The following MLIP variants were observed in gnomAD, a reference collection of about 807,000 sequenced individuals.
MLIP encodes muscular LMNA interacting protein, also known as muscular LMNA-interacting protein.
In MLIP, 79 loss-of-function variants were observed where a neutral mutation model predicts 84.8. The observed-to-expected ratio is 0.93, with a 90% CI of 0.78 to 1.12. The LOEUF (loss-of-function observed/expected upper bound fraction) is 1.12, where lower values mean the gene tolerates loss of function less well. Among genes scored for constraint, MLIP ranks in the 50% most tolerant of loss-of-function variants. The pLI is 0.00. For missense variants in MLIP, 1,257 were observed against 1,160.6 expected (o/e 1.08, Z -1.21); for synonymous variants, 504 against 463.0 (o/e 1.09, Z -1.14).
intron 1 of MLIP, among the ~76,000 whole-genome samples, chr6:54,093,289 A>G (rs529885982): frequency 6.6e-6 from 1 of 151,462 alleles, no homozygotes; most frequent in African/African-American, 2.4e-5. Context: ...TATCTGAAAC[A>G]GAGTCTCTGA....
intron 2 of MLIP, among the ~76,000 whole-genome samples, chr6:54,124,048 T>C (rs1433884804): frequency 4.6e-5 from 7 of 152,198 alleles, no homozygotes; most frequent in African/African-American, 1.7e-4. Flanking sequence ...GATTTTGTAT[T>C]ATTTTAGAAA....
intron 1 of MLIP, among the ~76,000 whole-genome samples, chr6:54,100,642 C>CTA (rs1768575145): frequency 6.6e-6 from 1 of 152,062 alleles, no homozygotes; most frequent in Non-Finnish European, 1.5e-5. Flanking sequence ...CCTTTATCTA[C>CTA]TATTCCTTTA....
In MLIP at chr6:54,124,799, T is replaced by A; in HGVS notation, c.579T>A (p.Thr193=). The change falls in exon 3 of 14, where the codon ACT becomes ACA. Residue 193 remains threonine, a synonymous_variant. Coordinates refer to ENST00000502396, the MANE Select transcript of MLIP (RefSeq NM_001281747.2). ...TAGTGCGTCCCAAAACACAGGGGAC[T>A]GATCTCAAGACCTCATCACATCCTG... ...SDVVRPKTQG[T]DLKTSSHPEM... 6.2e-7 allele frequency: 1 copy of A among 1,613,934 alleles called. No homozygotes were observed. Among genetic ancestry groups the A allele is most frequent in the Non-Finnish European group, 8.5e-7 (1 of 1,179,940 alleles).
At chr6:54,057,845 T>C (rs1175430568) in intron 1 of MLIP, 1 of 152,150 alleles carries the variant, frequency 6.6e-6, no homozygotes, top group Non-Finnish European at 1.5e-5. Context: ...ACTGAAGAAA[T>C]GCAAGAGACC....
intron 13 of MLIP, among the ~76,000 whole-genome samples, chr6:54,262,880 G>T (rs1218379996): frequency 6.6e-6 from 1 of 152,036 alleles, no homozygotes; most frequent in Non-Finnish European, 1.5e-5. Context: ...TCTTACACTT[G>T]GTTGGCAAGA....
At chr6:54,219,521 G>A (rs1007969831) in intron 11 of MLIP, among the ~76,000 whole-genome samples, 2 of 151,646 alleles carry the variant, frequency 1.3e-5, no homozygotes, top group Non-Finnish European at 2.9e-5. Flanking sequence ...CCAAAACATC[G>A]TTATGCAGTG....
In MLIP at chr6:54,175,329, T is replaced by G. The variant is rs529891042; in HGVS notation, c.2544+5757T>G. Reference sequence around the variant, plus strand: ...GGAATTGCTTTGAATCTGTAGTACTTTGGGTAGTATGGACATTATAACAAT... The same window carrying G: ...GGAATTGCTTTGAATCTGTAGTACTGTGGGTAGTATGGACATTATAACAAT... On this transcript the variant is annotated intron_variant, in intron 9 of 13. Transcript: ENST00000502396. Among the ~76,000 whole-genome samples, 8 of 152,144 alleles carry G rather than the reference T, an allele frequency of 5.3e-5. No homozygotes were observed. In the South Asian group the frequency reaches 1.7e-3, roughly 32 times the overall value.
chr6:54,197,562 G>C (rs1778387401), intron 10 of MLIP, among the ~76,000 whole-genome samples: 4 of 151,994 alleles, frequency 2.6e-5, no homozygotes, highest in Non-Finnish European at 5.9e-5. Flanking sequence ...TTTTCGATTT[G>C]GAGAATCTTC....
chr6:54,030,510 A>G (rs1764067580), intron 1 of MLIP: 1 of 152,182 alleles, frequency 6.6e-6, no homozygotes, highest in Non-Finnish European at 1.5e-5. Flanking sequence ...AGAATGTTCA[A>G]AAGAAGAACA....
rs1417678127 is a variant in MLIP at position 54,136,953 on chromosome 6, C to T, written c.884C>T (p.Ser295Leu). ...TPFSASKGTSSTLLFPHSTQL... is the reference protein window; with the variant it reads ...TPFSASKGTSLTLLFPHSTQL... Reference sequence around the variant, plus strand: ...TTTTCTGCATCGAAGGGCACCTCCTCGACGTTACTGTTTCCCCATTCCACT... The same window carrying T: ...TTTTCTGCATCGAAGGGCACCTCCTTGACGTTACTGTTTCCCCATTCCACT... Residue 295 changes from serine to leucine, a missense_variant, in exon 4 of 14, where the codon TCG becomes TTG. Coordinates refer to ENST00000502396, the MANE Select transcript of MLIP (RefSeq NM_001281747.2). 1 of 1,536,086 alleles carries T rather than the reference C, an allele frequency of 6.5e-7. No individual in the cohort carries two copies. The highest frequency in any genetic ancestry group is 1.2e-5 in the South Asian group (1 of 84,060).
At chr6:54,115,456 T>G (rs544596679) in intron 1 of MLIP, among the ~76,000 whole-genome samples, 1 of 152,234 alleles carries the variant, frequency 6.6e-6, no homozygotes, top group Non-Finnish European at 1.5e-5. Context: ...GGGGATAGTA[T>G]GGAGCGATAA....
At chr6:54,152,133 T>A (rs1773516138) in intron 5 of MLIP, among the ~76,000 whole-genome samples, 1 of 152,148 alleles carries the variant, frequency 6.6e-6, no homozygotes, top group Non-Finnish European at 1.5e-5. Context: ...AAGGTATGAT[T>A]TTTATTGTGT....
At chr6:54,220,223 T>A (rs1406771541) in intron 11 of MLIP, among the ~76,000 whole-genome samples, 3 of 152,206 alleles carry the variant, frequency 2.0e-5, no homozygotes, top group Non-Finnish European at 4.4e-5. Context: ...TAAGTTTATA[T>A]TTTTGCCTTG....
At chr6:54,167,996 C>T (rs1775372320) in intron 8 of MLIP, among the ~76,000 whole-genome samples, 2 of 151,878 alleles carry the variant, frequency 1.3e-5, no homozygotes, top group South Asian at 4.1e-4. Context: ...TTCTGAAATG[C>T]TGGGCTTCTC....
intron 5 of MLIP, among the ~76,000 whole-genome samples, chr6:54,155,694 C>G (rs976526845): frequency 6.6e-6 from 1 of 152,056 alleles, no homozygotes; most frequent in Non-Finnish European, 1.5e-5. Context: ...TATTGGCATA[C>G]TTTTACACAA....
At chr6:54,208,643 A>G (rs1779207135) in intron 11 of MLIP, among the ~76,000 whole-genome samples, 1 of 152,208 alleles carries the variant, frequency 6.6e-6, no homozygotes, top group Non-Finnish European at 1.5e-5. Context: ...GTTTTATTTC[A>G]CAAGAGTCTC....
chr6:54,137,545 C>G lies in MLIP; in HGVS notation c.1476C>G (p.His492Gln). 4.6e-6 allele frequency: 7 copies of G among 1,536,146 alleles called. No individual in the cohort carries two copies. The highest frequency in any genetic ancestry group is 6.1e-6 in the Non-Finnish European group (7 of 1,146,900). ...QVSELTQQSFHLPVFTKSTPL... is the reference protein window; with the variant it reads ...QVSELTQQSFQLPVFTKSTPL... ...CTGAATTGACCCAGCAATCTTTTCA[C>G]CTGCCTGTTTTCACCAAGTCTACTC... The change falls in exon 4 of 14, where the codon CAC (histidine) becomes CAG (glutamine). Residue 492 changes from histidine to glutamine, a missense_variant. Physicochemically the swap from His to Gln is conservative, Grantham distance 24. Coordinates refer to ENST00000502396, the MANE Select transcript of MLIP (RefSeq NM_001281747.2).
chr6:54,083,162 T>C (rs1767271314), intron 1 of MLIP, among the ~76,000 whole-genome samples: 1 of 152,066 alleles, frequency 6.6e-6, no homozygotes, highest in African/African-American at 2.4e-5. Context: ...TGAAGGCATT[T>C]CTGTCAACCC....
intron 5 of MLIP, among the ~76,000 whole-genome samples, chr6:54,157,614 T>C (rs960202064): frequency 6.6e-5 from 10 of 152,050 alleles, no homozygotes; most frequent in Admixed American, 1.3e-4. Context: ...ACTAACAAAC[T>C]GTTGTGGATT....
Sources: gnomAD v4.1 joint callset for allele counts (sites outside exome capture counted in the v4.1 genomes callset) on GRCh38, gnomAD v4.1.1 for gene constraint, MANE v1.5 for transcripts, NCBI Gene and HGNC (gene_info 2026-07-23, HGNC 2026-07-21) for gene names.